EPHB1: variants seen among roughly 807,000 people sequenced by gnomAD.
EPHB1 encodes the protein EPH receptor B1.
Under a neutral mutation model 94.4 loss-of-function variants are expected in EPHB1, and 30 were observed. The ratio of observed to expected loss-of-function variants is 0.32; its 90% CI spans 0.24 to 0.43. EPHB1 has a LOEUF of 0.43. Ranked by LOEUF, EPHB1 falls within the 20% of genes least tolerant of loss-of-function variation. EPHB1 has a pLI of 1.00. For synonymous variants in EPHB1, 522 were observed against 489.1 expected (o/e 1.07, Z -0.89); for missense variants, 1,055 against 1,308.3 (o/e 0.81, Z 2.99).
intron 15 of EPHB1, among the ~76,000 whole-genome samples, chr3:135,256,800 C>T (rs920523756): frequency 2.6e-5 from 4 of 151,948 alleles, no homozygotes; most frequent in Admixed American, 6.6e-5. Context: ...TGGATAATAT[C>T]CTGCAGCGTG....
At chr3:135,171,535 C>T (rs931340493) in intron 9 of EPHB1, among the ~76,000 whole-genome samples, 10 of 152,148 alleles carry the variant, frequency 6.6e-5, no homozygotes, top group African/African-American at 2.2e-4. Context: ...CAGAACTATC[C>T]AACAGCTTTG....
chr3:134,994,894 C>A (rs1258842563), intron 3 of EPHB1, among the ~76,000 whole-genome samples: 1 of 152,124 alleles, frequency 6.6e-6, no homozygotes, highest in African/African-American at 2.4e-5. Context: ...AATGGTAACA[C>A]CTCATGTAAC....
At position 134,853,719 on chromosome 3, in the gene EPHB1, C is replaced by T. The variant is rs937148981; in HGVS notation, c.58+58030C>T. ...ATGGTGAACCTGCCTGCAGAAGCAC[C>T]GTAGCACAGCAATATTCTTGAGCCC... is the stretch of plus-strand genomic sequence containing the variant. On this transcript the variant is annotated intron_variant, in intron 1 of 15. Coordinates refer to ENST00000398015, the MANE Select transcript of EPHB1 (RefSeq NM_004441.5). 7.9e-5 allele frequency among the ~76,000 whole-genome samples: 12 copies of T among 152,228 alleles called. No homozygotes were observed. In the Middle Eastern group the frequency reaches 0.01, roughly 129 times the overall value.
At chr3:135,118,124 G>T (rs1481886899) in intron 4 of EPHB1, among the ~76,000 whole-genome samples, 1 of 152,210 alleles carries the variant, frequency 6.6e-6, no homozygotes, top group Non-Finnish European at 1.5e-5. Context: ...GTGAAAGGCA[G>T]GCTTTGCGCC....
At chr3:134,843,535 TAATC>T (rs2036814658) in intron 1 of EPHB1, among the ~76,000 whole-genome samples, 2 of 152,174 alleles carry the variant, frequency 1.3e-5, no homozygotes, top group Non-Finnish European at 2.9e-5. Context: ...TGTTTGATGT[TAATC>T]AATGGATTTC....
chr3:134,957,569 C>T (rs1933327932), intron 3 of EPHB1, among the ~76,000 whole-genome samples: 1 of 152,166 alleles, frequency 6.6e-6, no homozygotes, highest in African/African-American at 2.4e-5. Context: ...CCCTGAACAA[C>T]CCAGAGTATC....
intron 3 of EPHB1, among the ~76,000 whole-genome samples, chr3:135,066,371 C>A (rs2107779488): frequency 6.6e-6 from 1 of 152,336 alleles, no homozygotes; most frequent in East Asian, 1.9e-4. Context: ...AAATCCCAAA[C>A]TTCTTGGAGG....
chr3:135,059,415 A>G (rs1429640465), intron 3 of EPHB1, among the ~76,000 whole-genome samples: 1 of 152,058 alleles, frequency 6.6e-6, no homozygotes, highest in African/African-American at 2.4e-5. Context: ...AGGTCTTCCA[A>G]TTTGCCATTA....
chr3:134,898,467 G>A (rs183439311), intron 1 of EPHB1, among the ~76,000 whole-genome samples: 1 of 151,980 alleles, frequency 6.6e-6, no homozygotes, highest in Non-Finnish European at 1.5e-5. Flanking sequence ...AAGCCCTATC[G>A]AATGGCACTG....
At chr3:135,107,386 A>G (rs1005734955) in intron 4 of EPHB1, among the ~76,000 whole-genome samples, 1 of 152,128 alleles carries the variant, frequency 6.6e-6, no homozygotes, top group African/African-American at 2.4e-5. Context: ...GGAGGCAATC[A>G]CTACTGTCCC....
chr3:135,035,635 C>G (rs1409685530), intron 3 of EPHB1, among the ~76,000 whole-genome samples: 1 of 152,180 alleles, frequency 6.6e-6, no homozygotes, highest in Non-Finnish European at 1.5e-5. Flanking sequence ...CACAGTCCCT[C>G]TCATACTCAT....
intron 10 of EPHB1, among the ~76,000 whole-genome samples, chr3:135,184,661 A>G (rs1211633177): frequency 3.3e-5 from 5 of 152,198 alleles, no homozygotes; most frequent in African/African-American, 1.2e-4. Flanking sequence ...GAGAATGAAG[A>G]GAGACTGGAC....
At chr3:135,207,583 C>A (rs1942931545) in intron 12 of EPHB1, among the ~76,000 whole-genome samples, 2 of 152,236 alleles carry the variant, frequency 1.3e-5, no homozygotes, top group South Asian at 4.1e-4. Context: ...TTTGCGAGAG[C>A]ATGCATAAAA....
At chr3:134,976,721 G>A (rs1371080504) in intron 3 of EPHB1, among the ~76,000 whole-genome samples, 3 of 152,014 alleles carry the variant, frequency 2.0e-5, no homozygotes, top group Non-Finnish European at 4.4e-5. Context: ...ACTCCAAATA[G>A]CAGTGCTTAT....
At chr3:134,980,044 G>A (rs1280512508) in intron 3 of EPHB1, among the ~76,000 whole-genome samples, 1 of 152,178 alleles carries the variant, frequency 6.6e-6, no homozygotes, top group African/African-American at 2.4e-5. Context: ...ACACCTCAAT[G>A]GTAGTTTTTG....
intron 12 of EPHB1, among the ~76,000 whole-genome samples, chr3:135,231,051 CCTGA>C (rs1364056552): frequency 6.6e-6 from 1 of 152,204 alleles, no homozygotes; most frequent in Non-Finnish European, 1.5e-5. Context: ...CCACTAAAGA[CCTGA>C]CTACCCCTGC....
intron 3 of EPHB1, among the ~76,000 whole-genome samples, chr3:135,034,411 G>A (rs1936581661): frequency 6.6e-6 from 1 of 152,236 alleles, no homozygotes; most frequent in Admixed American, 6.5e-5. Flanking sequence ...ATCTCACAGG[G>A]AAAGGTCCTG....
chr3:135,248,441 T>C lies in EPHB1; in HGVS notation c.2622T>C (p.Ile874=), dbSNP rs761417389. The change falls in exon 14 of 16, where the codon ATT becomes ATC. Residue 874 remains isoleucine, a synonymous_variant. Transcript: ENST00000398015. ...ACAGCCGGCCCCGGTTTGCGGAGAT[T>C]GTCAACACCCTAGATAAGATGATCC... The part of the protein sequence containing the change: ...DRNSRPRFAE[I]VNTLDKMIRN... 6 of 1,613,816 alleles carry C rather than the reference T, an allele frequency of 3.7e-6. No individual in the cohort carries two copies. The highest frequency in any genetic ancestry group is 4.2e-6 in the Non-Finnish European group (5 of 1,179,806).
chr3:135,258,954 A>G lies in EPHB1; in HGVS notation c.2847-58A>G, dbSNP rs183016990. On this transcript the variant is annotated intron_variant, in intron 15 of 15. Transcript: ENST00000398015. ...AACATGGCTTTAGTGATGAGTTTTG[A>G]TCTGCGAAAAGCTAACCTAACACTA... 1.2e-4 allele frequency: 168 copies of G among 1,345,630 alleles called. 1 individual carries two copies. The highest frequency in any genetic ancestry group is 1.1e-3 in the Admixed American group (57 of 50,852). The allele number at this position is 1,345,630 out of a possible 1,614,324, so 83.4% of individuals were successfully genotyped here. A position where few individuals can be genotyped will look rare whatever the true frequency, so the allele number is the denominator to read the frequency against.
Sources: gnomAD v4.1 joint callset for allele counts (sites outside exome capture counted in the v4.1 genomes callset) on GRCh38, gnomAD v4.1.1 for gene constraint, MANE v1.5 for transcripts, NCBI Gene and HGNC (gene_info 2026-07-23, HGNC 2026-07-21) for gene names.